The following ITFG1 variants were observed in gnomAD, a reference collection of about 807,000 sequenced individuals.
ITFG1 encodes the protein T-cell immunomodulatory protein.
Under a neutral mutation model 81.8 loss-of-function variants are expected in ITFG1, and 34 were observed. That is an observed-to-expected ratio of 0.42 (90% CI 0.32 to 0.55). The LOEUF is 0.55. ITFG1 is among the 20% of genes least tolerant of loss of function. ITFG1 has a pLI of 0.17. For missense variants in ITFG1, 672 were observed against 755.4 expected (o/e 0.89, Z 1.29); for synonymous variants, 285 against 270.6 (o/e 1.05, Z -0.52).
intron 8 of ITFG1, among the ~76,000 whole-genome samples, chr16:47,318,331 T>C (rs1418044293): frequency 6.6e-6 from 1 of 152,222 alleles, no homozygotes; most frequent in Non-Finnish European, 1.5e-5. Flanking sequence ...TGTATTTGTG[T>C]CATATAGAGA....
intron 10 of ITFG1, among the ~76,000 whole-genome samples, chr16:47,274,167 G>C (rs1966373422): frequency 6.6e-6 from 1 of 152,016 alleles, no homozygotes; most frequent in African/African-American, 2.4e-5. Context: ...TGAGGCAGGA[G>C]AATCGCTTGA....
chr16:47,320,068 T>C (rs1395122378), intron 8 of ITFG1, among the ~76,000 whole-genome samples: 2 of 152,216 alleles, frequency 1.3e-5, no homozygotes, highest in African/African-American at 2.4e-5. Flanking sequence ...ATTATGGGCG[T>C]GTGCCACCAC....
intron 6 of ITFG1, chr16:47,426,109 G>A (rs1969017910): frequency 6.6e-6 from 1 of 151,936 alleles, no homozygotes; most frequent in Non-Finnish European, 1.5e-5. Context: ...CTGTCTTTAT[G>A]CTTCCAAATG....
chr16:47,177,040 G>T (rs1353903441), intron 14 of ITFG1, among the ~76,000 whole-genome samples: 1 of 151,036 alleles, frequency 6.6e-6, no homozygotes, highest in Non-Finnish European at 1.5e-5. Context: ...GCTTACTGCA[G>T]CCTTGAACTC....
rs1282728787 is a variant in ITFG1 at position 47,422,719 on chromosome 16, G to A, written c.655+6085C>T. Among the ~76,000 whole-genome samples, 5 of 152,114 alleles carry A rather than the reference G, an allele frequency of 3.3e-5. No homozygotes were observed. In the East Asian group the frequency reaches 9.6e-4, roughly 29 times the overall value. ...TCAACCTCTTCCTGGTTTAGTCTTG[G>A]GAGGGTGTATGTGTCCAGGAATTTA... On this transcript the variant is annotated intron_variant, in intron 6 of 17. Coordinates refer to ENST00000320640, the MANE Select transcript of ITFG1 (RefSeq NM_030790.5).
At chr16:47,188,313 C>T (rs1409645669) in intron 14 of ITFG1, among the ~76,000 whole-genome samples, 2 of 151,974 alleles carry the variant, frequency 1.3e-5, no homozygotes, top group Admixed American at 6.5e-5. Flanking sequence ...CACATGTGCA[C>T]GTATGTTTAT....
chr16:47,285,857 G>A (rs1327950980), intron 10 of ITFG1, among the ~76,000 whole-genome samples: 2 of 152,130 alleles, frequency 1.3e-5, no homozygotes, highest in Non-Finnish European at 2.9e-5. Context: ...ATTCTTTCAT[G>A]TACCCTCTGC....
Position 47,345,752 on chromosome 16 carries a change from T to A in ITFG1, c.802+20036A>T, listed in dbSNP as rs560796201. 3.8e-4 allele frequency among the ~76,000 whole-genome samples: 58 copies of A among 152,264 alleles called. 1 individual carries two copies. The South Asian group carries it at 0.011, about 28-fold the overall frequency. ...GAGTATTTGTGTGTCTAAAGATATG[T>A]AAACATAGAAAAGGTACAGCAAAGA... is the stretch of plus-strand genomic sequence containing the variant. On this transcript the variant is annotated intron_variant, in intron 8 of 17. Transcript: ENST00000320640.
chr16:47,235,332 C>G (rs1965861398), intron 13 of ITFG1, among the ~76,000 whole-genome samples: 1 of 152,092 alleles, frequency 6.6e-6, no homozygotes, highest in Non-Finnish European at 1.5e-5. Context: ...CAATACTGGG[C>G]TGATACAGGT....
intron 8 of ITFG1, among the ~76,000 whole-genome samples, chr16:47,355,198 T>A (rs529325723): frequency 2.1e-4 from 32 of 152,258 alleles, no homozygotes; most frequent in African/African-American, 7.5e-4. Flanking sequence ...TACAATGATA[T>A]ATTGTTCAGA....
At chr16:47,344,942 T>G (rs1337263258) in intron 8 of ITFG1, among the ~76,000 whole-genome samples, 2 of 152,250 alleles carry the variant, frequency 1.3e-5, no homozygotes, top group Non-Finnish European at 2.9e-5. Flanking sequence ...TGTGTATAAG[T>G]ACCACATTTT....
intron 14 of ITFG1, among the ~76,000 whole-genome samples, chr16:47,178,611 A>G (rs1965059258): frequency 6.6e-6 from 1 of 152,206 alleles, no homozygotes; most frequent in African/African-American, 2.4e-5. Context: ...TAGACCTAAA[A>G]CCATAAAAAC....
intron 6 of ITFG1, among the ~76,000 whole-genome samples, chr16:47,401,739 A>G (rs1379861002): frequency 6.6e-6 from 1 of 152,126 alleles, no homozygotes. Context: ...TATGTGTTTG[A>G]TTATAACAGA....
At chr16:47,274,405 G>T (rs907311156) in intron 10 of ITFG1, among the ~76,000 whole-genome samples, 1 of 152,080 alleles carries the variant, frequency 6.6e-6, no homozygotes, top group Non-Finnish European at 1.5e-5. Flanking sequence ...ATTAAACCAG[G>T]AATGTATATA....
intron 5 of ITFG1, among the ~76,000 whole-genome samples, chr16:47,441,250 A>G (rs1969245705): frequency 6.6e-6 from 1 of 152,206 alleles, no homozygotes; most frequent in Non-Finnish European, 1.5e-5. Flanking sequence ...TACCAGAGGT[A>G]CAAGGAGGAG....
intron 6 of ITFG1, among the ~76,000 whole-genome samples, chr16:47,385,338 A>T (rs1477987995): frequency 6.6e-6 from 1 of 152,240 alleles, no homozygotes; most frequent in African/African-American, 2.4e-5. Flanking sequence ...CACTAAATAC[A>T]CTTAACAATT....
intron 6 of ITFG1, among the ~76,000 whole-genome samples, chr16:47,421,730 C>A (rs781353724): frequency 6.6e-6 from 1 of 152,072 alleles, no homozygotes; most frequent in Non-Finnish European, 1.5e-5. Flanking sequence ...GCACAACGTG[C>A]AGGTTTGTTA....
chr16:47,408,637 G>A (rs1968760118), intron 6 of ITFG1, among the ~76,000 whole-genome samples: 1 of 152,118 alleles, frequency 6.6e-6, no homozygotes, highest in African/African-American at 2.4e-5. Context: ...AAAAAAGAAA[G>A]CAAAAACAGG....
intron 10 of ITFG1, 93 bp downstream of exon 10, chr16:47,311,147 A>G: frequency 1.3e-6 from 1 of 798,018 alleles, no homozygotes. Context: ...AGATTATAAC[A>G]TATTTAGGTA....
Sources: allele counts gnomAD v4.1 joint callset (sites outside exome capture counted in the v4.1 genomes callset), GRCh38; gene constraint gnomAD v4.1.1; transcripts MANE v1.5; gene names NCBI Gene and HGNC (gene_info 2026-07-23, HGNC 2026-07-21).